KIN: variants seen among roughly 807,000 people sequenced by gnomAD.
KIN encodes the protein Kin17 DNA and RNA binding protein.
In KIN, 47 loss-of-function variants were observed where a neutral mutation model predicts 63.0. The ratio of observed to expected loss-of-function variants is 0.75; its 90% CI spans 0.59 to 0.95. The LOEUF (loss-of-function observed/expected upper bound fraction) is 0.95, where lower values mean the gene tolerates loss of function less well. Among genes scored for constraint, KIN ranks in the 40% least tolerant of loss-of-function variants. KIN has a pLI of 0.00. For synonymous variants in KIN, 160 were observed against 157.7 expected, an observed-to-expected ratio of 1.01 and a Z score of -0.11; for missense variants, 408 against 460.9, an observed-to-expected ratio of 0.89 and a Z score of 1.05.
At chr10:7,770,047 C>T (rs955288453) in intron 7 of KIN, among the ~76,000 whole-genome samples, 5 of 152,182 alleles carry the variant, frequency 3.3e-5, no homozygotes, top group African/African-American at 1.2e-4. Flanking sequence ...TCTCGTGCCT[C>T]AGCCTCCCAA....
chr10:7,767,827 C>A (rs940906145), intron 8 of KIN, among the ~76,000 whole-genome samples: 2 of 148,042 alleles, frequency 1.4e-5, no homozygotes, highest in African/African-American at 2.5e-5. Flanking sequence ...CCACTGCACT[C>A]CAGCCTGAGT....
intron 9 of KIN, among the ~76,000 whole-genome samples, chr10:7,765,114 G>A (rs551160663): frequency 2.7e-5 from 4 of 145,908 alleles, no homozygotes; most frequent in Admixed American, 1.4e-4. Context: ...AGCTGAGATC[G>A]TGCCATTGCA....
chr10:7,757,804 G>C (rs1387332509), intron 12 of KIN, among the ~76,000 whole-genome samples: 1 of 152,082 alleles, frequency 6.6e-6, no homozygotes, highest in Non-Finnish European at 1.5e-5. Flanking sequence ...TAAATCTGGA[G>C]AATAAGAAGG....
At chr10:7,772,878 T>C (rs1161798628) in intron 7 of KIN, among the ~76,000 whole-genome samples, 1 of 152,218 alleles carries the variant, frequency 6.6e-6, no homozygotes, top group Non-Finnish European at 1.5e-5. Flanking sequence ...CCCTGAAACC[T>C]ATCAATGTTA....
intron 10 of KIN, 127 bp downstream of exon 10, chr10:7,763,596 G>A (rs571094266): frequency 1.6e-6 from 1 of 626,084 alleles, no homozygotes; most frequent in Non-Finnish European, 2.8e-6. Flanking sequence ...CCATTTCATG[G>A]AATAATCAAG....
intron 12 of KIN, among the ~76,000 whole-genome samples, chr10:7,757,654 T>G (rs1835357959): frequency 6.6e-6 from 1 of 152,110 alleles, no homozygotes; most frequent in Non-Finnish European, 1.5e-5. Flanking sequence ...GATTTTAACA[T>G]TTTTTTACTG....
chr10:7,779,010 T>C lies in KIN; in HGVS notation c.386A>G (p.Lys129Arg), dbSNP rs749531176. Residue 129 changes from lysine to arginine, a missense_variant, in exon 5 of 13, where the codon AAA becomes AGA. Around this residue, in one of 2 missense-constraint regions of KIN, gnomAD observed 110 missense variants for 164.9 expected, o/e 0.67. Transcript: ENST00000379562. ...CCAGCCTTTTGGTGTCTCGTCCACT[T>C]TGCACAAGCCTTAAAAAAACAGCCA... Reference protein sequence around the residue: ...TKWLGREGLCKVDETPKGWYI... With the variant: ...TKWLGREGLCRVDETPKGWYI... 2 of 1,609,406 alleles carry C rather than the reference T, an allele frequency of 1.2e-6. No homozygotes were observed. The highest frequency in any genetic ancestry group is 2.2e-5 in the South Asian group (2 of 89,972).
At chr10:7,768,686 C>T (rs961324103) in intron 8 of KIN, among the ~76,000 whole-genome samples, 6 of 152,110 alleles carry the variant, frequency 3.9e-5, no homozygotes, top group African/African-American at 1.4e-4. Flanking sequence ...CCGTAACAAG[C>T]GCAGGGAGTT....
intron 11 of KIN, 113 bp downstream of exon 11, chr10:7,762,344 G>A: frequency 1.8e-6 from 1 of 555,578 alleles, no homozygotes; most frequent in Non-Finnish European, 3.2e-6. Context: ...GGCAGTTAAT[G>A]CCGCCAAGAC....
intron 4 of KIN, 61 bp from the exon 5 acceptor site, chr10:7,779,080 T>G: frequency 6.4e-7 from 1 of 1,552,590 alleles, no homozygotes; most frequent in Admixed American, 1.8e-5. Context: ...TAAATATGAA[T>G]GTGTTTCACC....
intron 7 of KIN, 141 bp downstream of exon 7, chr10:7,774,690 A>G: frequency 2.8e-6 from 2 of 708,208 alleles, no homozygotes; most frequent in East Asian, 2.5e-5. Context: ...CAATTGCTAA[A>G]AAAACAACGC....
chr10:7,776,800 A>G (rs1193689240), intron 5 of KIN, among the ~76,000 whole-genome samples: 1 of 151,056 alleles, frequency 6.6e-6, no homozygotes, highest in African/African-American at 2.4e-5. Flanking sequence ...CTATAATCCC[A>G]GCACTTTGGG....
intron 1 of KIN, among the ~76,000 whole-genome samples, chr10:7,784,559 G>A (rs1282815495): frequency 1.3e-5 from 2 of 152,054 alleles, no homozygotes; most frequent in African/African-American, 4.8e-5. Context: ...CTGTACTCCA[G>A]TCTGGGCAAG....
At chr10:7,768,694 GT>G (rs1835603268) in intron 8 of KIN, among the ~76,000 whole-genome samples, 1 of 152,188 alleles carries the variant, frequency 6.6e-6, no homozygotes, top group Non-Finnish European at 1.5e-5. Context: ...AGCGCAGGGA[GT>G]TTCAAAGACA....
intron 8 of KIN, 46 bp from the exon 9 acceptor site, chr10:7,766,149 T>A (rs1835539839): frequency 3.0e-6 from 4 of 1,342,230 alleles, no homozygotes; most frequent in Non-Finnish European, 3.2e-6. Context: ...AAATCCTCAT[T>A]GGATTTCAAA....
At chr10:7,785,824 A>G (rs1027469984) in intron 1 of KIN, among the ~76,000 whole-genome samples, 7 of 152,088 alleles carry the variant, frequency 4.6e-5, no homozygotes, top group Non-Finnish European at 1.0e-4. Flanking sequence ...AAAAAAAAAA[A>G]AAAGAAAAAG....
At position 7,753,834 on chromosome 10, in the gene KIN, T is replaced by G. The variant is rs1008546105; in HGVS notation, c.*2246A>C. The stretch of plus-strand genomic sequence containing the variant: ...TCTGCCATCATCCTATTAGTATTTC[T>G]TTACTGCCTCTTACATTTCTGCTAA... On this transcript the variant is annotated 3_prime_UTR_variant, in exon 13 of 13. Coordinates refer to ENST00000379562, the MANE Select transcript of KIN (RefSeq NM_012311.4). 3.8e-5 allele frequency: 10 copies of G among 263,360 alleles called. No individual in the cohort carries two copies. Among genetic ancestry groups the G allele is most frequent in the Non-Finnish European group, 6.2e-5 (8 of 128,624 alleles). The allele number at this position is 263,360 out of a possible 1,614,324, so 16.3% of individuals were successfully genotyped here.
chr10:7,778,936 C>T lies in KIN; in HGVS notation c.460G>A (p.Glu154Lys), dbSNP rs1466252442. ...RDPETIRRQLELEKKKKQDLD... is the reference protein window; with the variant it reads ...RDPETIRRQLKLEKKKKQDLD... ...TCCTGCTTTTTCTTTTTCTCCAGTT[C>T]CAGTTGCCGGCGGATAGTTTCTGGG... Residue 154 changes from glutamate to lysine, a missense_variant, in exon 5 of 13, where the codon GAA (glutamate) becomes AAA (lysine). Coordinates refer to ENST00000379562, the MANE Select transcript of KIN (RefSeq NM_012311.4). 1.2e-6 allele frequency: 2 copies of T among 1,613,868 alleles called. No homozygotes were observed. The highest frequency in any genetic ancestry group is 2.7e-5 in the African/African-American group (2 of 74,834).
At position 7,754,311 on chromosome 10, in the gene KIN, G is replaced by A; in HGVS notation, c.*1769C>T. On this transcript the variant is annotated 3_prime_UTR_variant, in exon 13 of 13. Coordinates refer to ENST00000379562, the MANE Select transcript of KIN (RefSeq NM_012311.4). ...GATTGTGCCACTGCACTCCAGGCTG[G>A]ATGACAGAGCAAGACCCTATCTCAA... 1 of 325,464 alleles carries A rather than the reference G, an allele frequency of 3.1e-6. No homozygotes were observed. Among genetic ancestry groups the A allele is most frequent in the Non-Finnish European group, 6.1e-6 (1 of 163,054 alleles). 20.2% of individuals were successfully genotyped at this position (325,464 alleles called of 1,614,324 possible).
Sources: allele counts gnomAD v4.1 joint callset (sites outside exome capture counted in the v4.1 genomes callset), GRCh38; gene constraint gnomAD v4.1.1; regional missense constraint gnomAD v4.1.1; transcripts MANE v1.5; gene names NCBI Gene and HGNC (gene_info 2026-07-23, HGNC 2026-07-21).